GOLGA8T: variants seen among roughly 807,000 people sequenced by gnomAD.
GOLGA8T encodes the protein golgin subfamily A member 8T.
Under a neutral mutation model 52.0 loss-of-function variants are expected in GOLGA8T, and 17 were observed. That is an observed-to-expected ratio of 0.33 (90% CI 0.22 to 0.49). The LOEUF is 0.49. GOLGA8T is among the 20% of genes least tolerant of loss of function. The pLI, the probability that GOLGA8T is intolerant of heterozygous loss-of-function variation, is 0.99. For synonymous variants in GOLGA8T, 67 were observed against 169.5 expected (o/e 0.40, Z 4.70); for missense variants, 154 against 462.1 (o/e 0.33, Z 6.11).
At chr15:30,135,999 ATC>A in intron 1 of GOLGA8T, 2 of 509,782 alleles carry the variant, frequency 3.9e-6, no homozygotes, top group South Asian at 3.1e-5. Flanking sequence ...CGTTGACAGT[ATC>A]TCTGGGTGGC....
Position 30,148,333 on chromosome 15 carries a change from T to G in GOLGA8T, c.*2766T>G, listed in dbSNP as rs1271542760. On this transcript the variant is annotated 3_prime_UTR_variant, in exon 19 of 19. Transcript: ENST00000569052. ...AAGTATTTGATTCAACCTGATAATT[T>G]TCCAGAAATGAAAAAAAAAATCAGC... Among the ~76,000 whole-genome samples, 1 of 128,226 alleles carries G rather than the reference T, an allele frequency of 7.8e-6. No individual in the cohort carries two copies. The highest frequency in any genetic ancestry group is 1.5e-5 in the Non-Finnish European group (1 of 65,250). 84.1% of individuals were successfully genotyped at this position (128,226 alleles called of 152,430 possible).
chr15:30,141,582 T>C lies in GOLGA8T; in HGVS notation c.874+157T>C, dbSNP rs1173932272. Among the ~76,000 whole-genome samples, 2 of 123,096 alleles carry C rather than the reference T, an allele frequency of 1.6e-5. 1 individual carries two copies. The highest frequency in any genetic ancestry group is 3.1e-5 in the Non-Finnish European group (2 of 64,308). The allele number at this position is 123,096 out of a possible 152,430, so 80.8% of individuals were successfully genotyped here. On this transcript the variant is annotated intron_variant, in intron 11 of 18. Transcript: ENST00000569052. Reference sequence around the variant, plus strand: ...CGGCGAGTCTTGTCATCTCAATGAGTCTCAGTGTCTCAGTGTCCCCATCAG... The same window carrying C: ...CGGCGAGTCTTGTCATCTCAATGAGCCTCAGTGTCTCAGTGTCCCCATCAG...
chr15:30,137,357 C>T (rs1197669954), intron 2 of GOLGA8T, among the ~76,000 whole-genome samples: 2 of 103,042 alleles, frequency 1.9e-5, no homozygotes, highest in Non-Finnish European at 3.8e-5. Context: ...AGCCTGGTGA[C>T]AGAGCAAGAC....
Position 30,142,380 on chromosome 15 carries a change from G to C in GOLGA8T, c.1198G>C (p.Glu400Gln). 1 of 1,552,776 alleles carries C rather than the reference G, an allele frequency of 6.4e-7. No individual in the cohort carries two copies. The highest frequency in any genetic ancestry group is 8.6e-7 in the Non-Finnish European group (1 of 1,159,342). Reference sequence around the variant, plus strand: ...AAAGGAGCTACAGGAGAAGCTTGGCGAGGTGAAGGAGACGGAAACCTCCAC... The same window carrying C: ...AAAGGAGCTACAGGAGAAGCTTGGCCAGGTGAAGGAGACGGAAACCTCCAC... ...QVKELQEKLG[E>Q]EHLEAASQQN... Residue 400 changes from glutamate (E) to glutamine (Q), a missense_variant and splice_region_variant, in exon 13 of 19, where the codon GAG (glutamate) becomes CAG (glutamine). Physicochemically the swap from Glu to Gln is conservative, Grantham distance 29. Coordinates refer to ENST00000569052, the MANE Select transcript of GOLGA8T (RefSeq NM_001355469.2).
At chr15:30,142,726 C>T (rs1299918075) in intron 13 of GOLGA8T, among the ~76,000 whole-genome samples, 6 of 119,676 alleles carry the variant, frequency 5.0e-5, no homozygotes, top group Non-Finnish European at 8.0e-5. Flanking sequence ...CACTTGAGGT[C>T]GGGAGTTTGG....
intron 13 of GOLGA8T, 59 bp downstream of exon 13, chr15:30,142,441 T>C (rs1057197450): frequency 1.3e-6 from 2 of 1,582,020 alleles, no homozygotes; most frequent in Non-Finnish European, 8.5e-7. Flanking sequence ...GGCAGCAGAC[T>C]CTGGGGAGGG....
chr15:30,142,525 T>C, intron 13 of GOLGA8T, 143 bp downstream of exon 13: 2 of 1,474,246 alleles, frequency 1.4e-6, no homozygotes, highest in South Asian at 1.2e-5. Context: ...GTCCTGTTTC[T>C]TGCTTCCTGC....
At chr15:30,140,351 T>G (rs1423857675) in intron 8 of GOLGA8T, among the ~76,000 whole-genome samples, 2 of 121,982 alleles carry the variant, frequency 1.6e-5, no homozygotes, top group Non-Finnish European at 3.2e-5. Flanking sequence ...CCCCTTCCTA[T>G]CTGTGCCCCC....
chr15:30,140,648 G>T (rs1353349959), intron 8 of GOLGA8T, among the ~76,000 whole-genome samples, 194 bp from the exon 9 acceptor site: 2 of 145,550 alleles, frequency 1.4e-5, no homozygotes, highest in African/African-American at 2.7e-5. Flanking sequence ...CTGTTAGCCA[G>T]CTATAAATTC....
chr15:30,142,256 C>A, intron 12 of GOLGA8T, 58 bp from the exon 13 acceptor site: 1 of 1,209,254 alleles, frequency 8.3e-7, no homozygotes, highest in South Asian at 1.3e-5. Context: ...GAGGCAGACA[C>A]CAAGTTCTGG....
chr15:30,136,683 T>G (rs1200604125), intron 1 of GOLGA8T, among the ~76,000 whole-genome samples, 183 bp from the exon 2 acceptor site: 1 of 148,264 alleles, frequency 6.7e-6, no homozygotes, highest in Non-Finnish European at 1.5e-5. Flanking sequence ...GCCTTTTTCT[T>G]TTTTTTTTCT....
intron 1 of GOLGA8T, among the ~76,000 whole-genome samples, chr15:30,136,244 C>CT (rs2057687985): frequency 6.8e-6 from 1 of 146,878 alleles, no homozygotes; most frequent in South Asian, 2.2e-4. Context: ...ACCTTGGGTA[C>CT]TTTGAGTGCC....
chr15:30,143,455 C>T, intron 13 of GOLGA8T, 151 bp from the exon 14 acceptor site: 6 of 1,469,272 alleles, frequency 4.1e-6, no homozygotes, highest in Non-Finnish European at 5.3e-6. Flanking sequence ...AATGAACCAG[C>T]TGCAGCAGCA....
chr15:30,141,608 G>C (rs373618173), intron 11 of GOLGA8T, among the ~76,000 whole-genome samples, 183 bp downstream of exon 11: 1,896 of 122,124 alleles, frequency 0.016, 58 homozygotes, highest in Non-Finnish European at 0.019. Flanking sequence ...TCCCCATCAG[G>C]AAAGAGGGCC....
chr15:30,142,469 G>T, intron 13 of GOLGA8T, 87 bp downstream of exon 13: 4 of 1,562,234 alleles, frequency 2.6e-6, no homozygotes, highest in East Asian at 4.7e-5. Flanking sequence ...GAGGCCAGAG[G>T]CAGCTTCCAG....
chr15:30,142,493 G>T, intron 13 of GOLGA8T, 111 bp downstream of exon 13: 1 of 1,527,176 alleles, frequency 6.5e-7, no homozygotes. Flanking sequence ...GGGGGCTGGT[G>T]ACCACAGCAC....
At chr15:30,142,793 A>C (rs546075693) in intron 13 of GOLGA8T, among the ~76,000 whole-genome samples, 3 of 118,558 alleles carry the variant, frequency 2.5e-5, no homozygotes, top group Non-Finnish European at 1.6e-5. Flanking sequence ...AAAAAAAAAA[A>C]AAAAAATTAG....
In GOLGA8T at chr15:30,148,014, C is replaced by T. The variant is rs201667375; in HGVS notation, c.*2447C>T. On this transcript the variant is annotated 3_prime_UTR_variant, in exon 19 of 19. Transcript: ENST00000569052. ...ACTGAAATACCACTCTTTGTGTAGGCATTTGTCATATACTTAAGAAAACGC... is the reference window on the plus strand; with the variant it reads ...ACTGAAATACCACTCTTTGTGTAGGTATTTGTCATATACTTAAGAAAACGC... Among the ~76,000 whole-genome samples, 1,208 of 126,008 alleles carry T rather than the reference C, an allele frequency of 9.6e-3. 34 individuals carry two copies. Among genetic ancestry groups the T allele is most frequent in the East Asian group, 0.056 (258 of 4,628 alleles). The allele number at this position is 126,008 out of a possible 152,430, so 82.7% of individuals were successfully genotyped here. A position where few individuals can be genotyped will look rare whatever the true frequency, so the allele number is the denominator to read the frequency against.
At chr15:30,140,201 T>A (rs1180584175) in intron 8 of GOLGA8T, 2 of 471,904 alleles carry the variant, frequency 4.2e-6, no homozygotes, top group East Asian at 9.2e-5. Context: ...ATAATATACA[T>A]AAAACATGTC....
Sources: gnomAD v4.1 joint callset for allele counts (sites outside exome capture counted in the v4.1 genomes callset) on GRCh38, gnomAD v4.1.1 for gene constraint, MANE v1.5 for transcripts, NCBI Gene and HGNC (gene_info 2026-07-23, HGNC 2026-07-21) for gene names.